CLSTN1: variants seen among roughly 807,000 people sequenced by gnomAD.
The protein encoded by CLSTN1 is calsyntenin 1, also known as calsyntenin-1.
In CLSTN1, 28 loss-of-function variants were observed where a neutral mutation model predicts 108.3. The ratio of observed to expected loss-of-function variants is 0.26; its 90% CI spans 0.19 to 0.35. CLSTN1 has a LOEUF of 0.35. Among genes scored for constraint, CLSTN1 ranks in the 10% least tolerant of loss-of-function variants. The pLI is 1.00. For missense variants in CLSTN1, 1,157 were observed against 1,302.6 expected (o/e 0.89, Z 1.72); for synonymous variants, 524 against 534.9 (o/e 0.98, Z 0.28).
intron 1 of CLSTN1, among the ~76,000 whole-genome samples, chr1:9,820,387 C>A (rs188071468): frequency 6.6e-6 from 1 of 152,182 alleles, no homozygotes; most frequent in Admixed American, 6.5e-5. Context: ...AGTGTGATGG[C>A]ATATGCCTGT....
chr1:9,813,963 G>A (rs574626972), intron 1 of CLSTN1, among the ~76,000 whole-genome samples: 11 of 151,982 alleles, frequency 7.2e-5, no homozygotes, highest in South Asian at 2.1e-4. Context: ...TTAGCCGGGC[G>A]CAGTGGCAGG....
rs371204660 is a variant in CLSTN1 at position 9,734,146 on chromosome 1, C to T, written c.2111-4G>A. On this transcript the variant is annotated splice_region_variant and splice_polypyrimidine_tract_variant and intron_variant, in intron 14 of 18. Coordinates refer to ENST00000377298, the MANE Select transcript of CLSTN1 (RefSeq NM_001009566.3). This position sits in a 1 kb window ranked among gnomAD's most constrained non-coding sequence, Gnocchi z 4.8. ...TCGGACACCAGTGATTCTTGAACTG[C>T]AAAAGAGGCCCAACCAGAAATATTA... 19 of 1,613,710 alleles carry T rather than the reference C, an allele frequency of 1.2e-5. 1 individual carries two copies. In the South Asian group the frequency reaches 2.1e-4, roughly 18 times the overall value.
Position 9,766,839 on chromosome 1 carries a change from G to T in CLSTN1, c.214+6433C>A, listed in dbSNP as rs184394408. ...TTCACCCCAAGGAAACAATCCGGGC[G>T]AGACTGGATCTTCATTGTGAATGTC... On this transcript the variant is annotated intron_variant, in intron 2 of 18. Coordinates refer to ENST00000377298, the MANE Select transcript of CLSTN1 (RefSeq NM_001009566.3). Among the ~76,000 whole-genome samples, 62 of 152,330 alleles carry T rather than the reference G, an allele frequency of 4.1e-4. No individual in the cohort carries two copies. In the South Asian group the frequency reaches 0.013, roughly 31 times the overall value.
chr1:9,784,268 G>A (rs1225820118), intron 1 of CLSTN1, among the ~76,000 whole-genome samples: 1 of 151,822 alleles, frequency 6.6e-6, no homozygotes, highest in African/African-American at 2.4e-5. Flanking sequence ...TCTTGAACCT[G>A]GGGGGCAGAC....
At chr1:9,784,375 G>A (rs1653388446) in intron 1 of CLSTN1, among the ~76,000 whole-genome samples, 1 of 151,930 alleles carries the variant, frequency 6.6e-6, no homozygotes, top group South Asian at 2.1e-4. Context: ...TGGCATGGTG[G>A]CACATGCCTG....
At chr1:9,821,599 A>G (rs1655192468) in intron 1 of CLSTN1, among the ~76,000 whole-genome samples, 1 of 152,246 alleles carries the variant, frequency 6.6e-6, no homozygotes, top group Non-Finnish European at 1.5e-5. Flanking sequence ...CAGCATGAAC[A>G]GGAGTTCATG....
chr1:9,803,548 A>G (rs1654377606), intron 1 of CLSTN1, among the ~76,000 whole-genome samples: 1 of 152,230 alleles, frequency 6.6e-6, no homozygotes, highest in South Asian at 2.1e-4. Flanking sequence ...CACGCCTGCA[A>G]TCCCAGCACT....
At chr1:9,776,891 TATC>T (rs1476093908) in intron 1 of CLSTN1, among the ~76,000 whole-genome samples, 3 of 151,608 alleles carry the variant, frequency 2.0e-5, no homozygotes, top group African/African-American at 7.3e-5. Flanking sequence ...TCTATCTATC[TATC>T]TATCTATCTA....
At chr1:9,796,615 C>A (rs1260327352) in intron 1 of CLSTN1, among the ~76,000 whole-genome samples, 1 of 147,588 alleles carries the variant, frequency 6.8e-6, no homozygotes, top group African/African-American at 2.4e-5. Flanking sequence ...ACCTGAGAGG[C>A]GGAGCTTGCA....
At chr1:9,740,508 G>A (rs1650924513) in intron 10 of CLSTN1, among the ~76,000 whole-genome samples, 1 of 152,198 alleles carries the variant, frequency 6.6e-6, no homozygotes, top group African/African-American at 2.4e-5. Flanking sequence ...GTATAAAGGA[G>A]TTGGCACACA....
chr1:9,735,850 C>T (rs1448353779), intron 12 of CLSTN1, 35 bp downstream of exon 12: 1 of 1,611,426 alleles, frequency 6.2e-7, no homozygotes, highest in Non-Finnish European at 8.5e-7. Flanking sequence ...TCTAAGGGGC[C>T]CATGAGTGGT....
At position 9,743,971 on chromosome 1, in the gene CLSTN1, G is replaced by A. The variant is rs752127552; in HGVS notation, c.1269C>T (p.His423=). The stretch of plus-strand genomic sequence containing the variant: ...GGAAGAGGAAGATCAGCCGGCACCC[G>A]TGGACATAGAGGGAGTAGTGGTGCC... The part of the protein sequence containing the change: ...MNRHHYSLYV[H]GCRLIFLFRQ... The change falls in exon 9 of 19, where the codon CAC becomes CAT. Residue 423 remains histidine (H), a synonymous_variant. Coordinates refer to ENST00000377298, the MANE Select transcript of CLSTN1 (RefSeq NM_001009566.3). The A allele has an allele frequency of 2.2e-5, 36 of 1,614,156 alleles. No individual in the cohort carries two copies. Among genetic ancestry groups the A allele is most frequent in the Admixed American group, 2.0e-4 (12 of 60,026 alleles).
At chr1:9,732,860 A>G (rs1023107436) in intron 16 of CLSTN1, among the ~76,000 whole-genome samples, 1 of 152,216 alleles carries the variant, frequency 6.6e-6, no homozygotes, top group African/African-American at 2.4e-5. Flanking sequence ...GCACAGATGC[A>G]GAGAACTTTT....
chr1:9,762,910 T>C (rs1005032019), intron 2 of CLSTN1, among the ~76,000 whole-genome samples: 1 of 152,244 alleles, frequency 6.6e-6, no homozygotes, highest in Non-Finnish European at 1.5e-5. Flanking sequence ...CCAGGCTAGT[T>C]TCTGGAATGA....
rs190940172 is a variant in CLSTN1 at position 9,814,336 on chromosome 1, T to C, written c.91+9307A>G. ...CTGAAATGGGCAGATCGCTTGAACC[T>C]TGGGAGGACGGAGATTGCAGTGAGC... is the stretch of plus-strand genomic sequence containing the variant. On this transcript the variant is annotated intron_variant, in intron 1 of 18. Transcript: ENST00000377298. 4.0e-5 allele frequency among the ~76,000 whole-genome samples: 6 copies of C among 151,618 alleles called. No individual in the cohort carries two copies. In the East Asian group the frequency reaches 9.7e-4, roughly 25 times the overall value.
intron 1 of CLSTN1, among the ~76,000 whole-genome samples, chr1:9,786,145 C>A (rs1352881675): frequency 6.6e-6 from 1 of 151,208 alleles, no homozygotes; most frequent in Non-Finnish European, 1.5e-5. Context: ...GCTGAGATCA[C>A]ACCACTGCAC....
At position 9,765,688 on chromosome 1, in the gene CLSTN1, T is replaced by G. The variant is rs548422039; in HGVS notation, c.214+7584A>C. On this transcript the variant is annotated intron_variant, in intron 2 of 18. Coordinates refer to ENST00000377298, the MANE Select transcript of CLSTN1 (RefSeq NM_001009566.3). ...TGAGGTCAGCAGTTTGCGGCCAGCC[T>G]GGCCAACAAAGCGGAACCCTCCCTC... is the stretch of plus-strand genomic sequence containing the variant. 1.1e-4 allele frequency among the ~76,000 whole-genome samples: 16 copies of G among 152,054 alleles called. 1 individual carries two copies. In the South Asian group the frequency reaches 3.3e-3, roughly 32 times the overall value.
At position 9,734,632 on chromosome 1, in the gene CLSTN1, T is replaced by C. The variant is rs1428812227; in HGVS notation, c.2110+316A>G. Among the ~76,000 whole-genome samples the C allele has an allele frequency of 1.3e-5, 2 of 149,568 alleles. No homozygotes were observed. Among genetic ancestry groups the C allele is most frequent in the Admixed American group, 6.6e-5 (1 of 15,074 alleles). The stretch of plus-strand genomic sequence containing the variant: ...GTCCTGAGCAAGAATTGTGGGGACA[T>C]TGTGCCTCCATGGGCTGGCCAGCCT... On this transcript the variant is annotated intron_variant, in intron 14 of 18. Transcript: ENST00000377298. The surrounding 1 kb of genome is among the most constrained non-coding windows in gnomAD (Gnocchi z 4.8).
intron 1 of CLSTN1, among the ~76,000 whole-genome samples, chr1:9,787,981 G>A (rs576394989): frequency 5.9e-5 from 9 of 151,496 alleles, no homozygotes; most frequent in South Asian, 2.2e-4. Context: ...AGGGTCCGGC[G>A]TGGTGGCTCA....
Sources: allele counts gnomAD v4.1 joint callset (sites outside exome capture counted in the v4.1 genomes callset), GRCh38; gene constraint gnomAD v4.1.1; non-coding constraint Gnocchi (gnomAD v3.1); transcripts MANE v1.5; gene names NCBI Gene and HGNC (gene_info 2026-07-23, HGNC 2026-07-21).